KCNJ3: variants seen among roughly 807,000 people sequenced by gnomAD.
KCNJ3 encodes G protein-activated inward rectifier potassium channel 1.
A neutral mutation model predicts 39.2 loss-of-function variants in KCNJ3; 4 were observed. The ratio of observed to expected loss-of-function variants is 0.10; its 90% CI spans 0.05 to 0.23. The LOEUF (loss-of-function observed/expected upper bound fraction) is 0.23, where lower values mean the gene tolerates loss of function less well. Ranked by LOEUF, KCNJ3 falls within the 10% of genes least tolerant of loss-of-function variation. The pLI is 1.00. For missense variants in KCNJ3, 276 were observed against 634.9 expected, an observed-to-expected ratio of 0.43 and a Z score of 6.08; for synonymous variants, 230 against 237.4, an observed-to-expected ratio of 0.97 and a Z score of 0.29.
chr2:154,770,536 G>C (rs1359922021), intron 2 of KCNJ3, among the ~76,000 whole-genome samples: 1 of 151,766 alleles, frequency 6.6e-6, no homozygotes, highest in African/African-American at 2.4e-5. Context: ...TCCTTCCACT[G>C]TTATTAGATG....
At chr2:154,726,834 C>CACAT (rs1553455094) in intron 2 of KCNJ3, among the ~76,000 whole-genome samples, 1 of 139,692 alleles carries the variant, frequency 7.2e-6, no homozygotes, top group Non-Finnish European at 1.5e-5. Flanking sequence ...CACACACACA[C>CACAT]ATACACCATG....
In KCNJ3 at chr2:154,846,703, A is replaced by G. The variant is rs541327264; in HGVS notation, c.920-8024A>G. On this transcript the variant is annotated intron_variant, in intron 2 of 2. Coordinates refer to ENST00000295101, the MANE Select transcript of KCNJ3 (RefSeq NM_002239.4). ...TTCCTGTCATGTTTTCTACCTGACC[A>G]TGAGCCTTTAGCATCTGCACTTATC... 8.5e-5 allele frequency among the ~76,000 whole-genome samples: 13 copies of G among 152,326 alleles called. No homozygotes were observed. In the East Asian group the frequency reaches 2.3e-3, roughly 27 times the overall value.
At chr2:154,718,196 T>C (rs1685212585) in intron 2 of KCNJ3, among the ~76,000 whole-genome samples, 1 of 152,184 alleles carries the variant, frequency 6.6e-6, no homozygotes, top group South Asian at 2.1e-4. Context: ...ATTTGTTATT[T>C]ATTGCTTAAT....
At chr2:154,737,124 A>T (rs1473263652) in intron 2 of KCNJ3, among the ~76,000 whole-genome samples, 1 of 152,214 alleles carries the variant, frequency 6.6e-6, no homozygotes, top group Non-Finnish European at 1.5e-5. Context: ...ACTCAAAGGG[A>T]GTAGAGGTCA....
chr2:154,736,165 A>G (rs1014770783), intron 2 of KCNJ3, among the ~76,000 whole-genome samples: 1 of 151,866 alleles, frequency 6.6e-6, no homozygotes, highest in African/African-American at 2.4e-5. Flanking sequence ...ATTGTAAATT[A>G]TATACAGTTT....
intron 1 of KCNJ3, among the ~76,000 whole-genome samples, chr2:154,700,984 ATAAT>A (rs1055300654): frequency 1.3e-5 from 2 of 152,180 alleles, no homozygotes; most frequent in Admixed American, 6.5e-5. Context: ...ATATTCATAT[ATAAT>A]TAATTTCAAT....
chr2:154,823,735 C>G (rs928168150), intron 2 of KCNJ3, among the ~76,000 whole-genome samples: 1 of 152,068 alleles, frequency 6.6e-6, no homozygotes, highest in African/African-American at 2.4e-5. Context: ...TTCCTGTTAT[C>G]ACAATATTTA....
intron 2 of KCNJ3, among the ~76,000 whole-genome samples, chr2:154,816,694 C>T (rs1687088108): frequency 6.6e-6 from 1 of 152,094 alleles, no homozygotes; most frequent in Non-Finnish European, 1.5e-5. Context: ...AATACATCAG[C>T]AGATGTCATA....
At chr2:154,832,784 A>G (rs1000734156) in intron 2 of KCNJ3, among the ~76,000 whole-genome samples, 1 of 152,218 alleles carries the variant, frequency 6.6e-6, no homozygotes, top group Non-Finnish European at 1.5e-5. Context: ...AAACTTTAAC[A>G]TTAGACTGAG....
chr2:154,768,680 G>A (rs933162699), intron 2 of KCNJ3, among the ~76,000 whole-genome samples: 3 of 152,176 alleles, frequency 2.0e-5, no homozygotes, highest in East Asian at 1.9e-4. Flanking sequence ...GCTCTTTTTT[G>A]GTTCCATATG....
intron 2 of KCNJ3, among the ~76,000 whole-genome samples, chr2:154,851,843 A>G (rs1687761525): frequency 6.6e-6 from 1 of 152,146 alleles, no homozygotes; most frequent in Non-Finnish European, 1.5e-5. Context: ...CAGTTTTCCC[A>G]ATATTAAAAT....
intron 2 of KCNJ3, among the ~76,000 whole-genome samples, chr2:154,816,565 C>A (rs1392089235): frequency 6.6e-6 from 1 of 152,092 alleles, no homozygotes; most frequent in Non-Finnish European, 1.5e-5. Flanking sequence ...CAGAAAAGCA[C>A]TGACAACTGG....
chr2:154,708,192 A>T (rs2105150321), intron 1 of KCNJ3, among the ~76,000 whole-genome samples: 1 of 152,282 alleles, frequency 6.6e-6, no homozygotes, highest in African/African-American at 2.4e-5. Context: ...CTACACAAAT[A>T]ATATCCGTGA....
At chr2:154,808,218 A>G (rs13009702) in intron 2 of KCNJ3, among the ~76,000 whole-genome samples, 1 of 151,692 alleles carries the variant, frequency 6.6e-6, no homozygotes, top group Admixed American at 6.6e-5. Context: ...AGTAGCTGGG[A>G]CTACAGGCAC....
chr2:154,720,941 G>T (rs988338553), intron 2 of KCNJ3, among the ~76,000 whole-genome samples: 11 of 151,748 alleles, frequency 7.2e-5, no homozygotes, highest in African/African-American at 2.7e-4. Flanking sequence ...TAGCCTCTTT[G>T]TGTGTGTGTG....
At chr2:154,735,134 G>T (rs1255761056) in intron 2 of KCNJ3, among the ~76,000 whole-genome samples, 4 of 149,608 alleles carry the variant, frequency 2.7e-5, no homozygotes, top group African/African-American at 1.0e-4. Context: ...TCGCCCAGGC[G>T]GGAGTGCAGG....
At chr2:154,731,589 T>C (rs1685449765) in intron 2 of KCNJ3, among the ~76,000 whole-genome samples, 1 of 151,988 alleles carries the variant, frequency 6.6e-6, no homozygotes, top group Non-Finnish European at 1.5e-5. Context: ...CTTTTAAATA[T>C]ACATAACTCA....
chr2:154,761,551 A>C (rs940717792), intron 2 of KCNJ3, among the ~76,000 whole-genome samples: 3 of 152,212 alleles, frequency 2.0e-5, no homozygotes, highest in African/African-American at 7.2e-5. Flanking sequence ...TATCAACTTC[A>C]TAATTTTGGG....
At chr2:154,813,830 G>A (rs926956721) in intron 2 of KCNJ3, among the ~76,000 whole-genome samples, 22 of 152,168 alleles carry the variant, frequency 1.4e-4, no homozygotes, top group African/African-American at 5.3e-4. Flanking sequence ...CCGTGATGAT[G>A]TCAACTGGCA....
Sources: gnomAD v4.1 joint callset for allele counts (sites outside exome capture counted in the v4.1 genomes callset) on GRCh38, gnomAD v4.1.1 for gene constraint, MANE v1.5 for transcripts, NCBI Gene and HGNC (gene_info 2026-07-23, HGNC 2026-07-21) for gene names.